TAS2R1: variants seen among roughly 807,000 people sequenced by gnomAD.
TAS2R1 encodes taste receptor type 2 member 1.
For missense variants in TAS2R1, 370 were observed against 353.4 expected, an observed-to-expected ratio of 1.05 and a Z score of -0.38; for synonymous variants, 141 against 134.2, an observed-to-expected ratio of 1.05 and a Z score of -0.35.
the TAS2R1 span, among the ~76,000 whole-genome samples, chr5:9,877,824 C>A: frequency 6.6e-6 from 1 of 152,172 alleles, no homozygotes; most frequent in Non-Finnish European, 1.5e-5. Context: ...GTTGTTCTTT[C>A]TTCTTCCTCT....
intron 1 of TAS2R1, among the ~76,000 whole-genome samples, chr5:9,679,149 TAAAAGAC>T (rs1740945673): frequency 6.6e-6 from 1 of 152,092 alleles, no homozygotes; most frequent in African/African-American, 2.4e-5. Context: ...CGACATTCTA[TAAAAGAC>T]AAAAGTATAA....
At chr5:9,894,079 C>T in the TAS2R1 span, among the ~76,000 whole-genome samples, 1 of 152,110 alleles carries the variant, frequency 6.6e-6, no homozygotes, top group Non-Finnish European at 1.5e-5. Flanking sequence ...TCCCATGGGC[C>T]CCAATCCAAT....
At chr5:9,715,579 A>G (rs74916772), upstream of TAS2R1, among the ~76,000 whole-genome samples, 987 of 152,378 alleles carry the variant, frequency 6.5e-3, 5 homozygotes, top group African/African-American at 0.022. Context: ...CATAGGGGAC[A>G]GGACAGGTGG....
At chr5:9,838,064 G>A in the TAS2R1 span, among the ~76,000 whole-genome samples, 1 of 152,146 alleles carries the variant, frequency 6.6e-6, no homozygotes, top group Admixed American at 6.5e-5. Context: ...CAAGTCCATG[G>A]ATGAAATGCA....
the TAS2R1 span, among the ~76,000 whole-genome samples, chr5:9,848,559 A>G: frequency 6.6e-6 from 1 of 152,228 alleles, no homozygotes. Flanking sequence ...AATGTATTAC[A>G]TACATGAAAA....
the TAS2R1 span, among the ~76,000 whole-genome samples, chr5:9,813,605 T>G: frequency 6.6e-6 from 1 of 152,190 alleles, no homozygotes; most frequent in Non-Finnish European, 1.5e-5. Context: ...GTTTGTTTGT[T>G]CTAAGCCACA....
At chr5:9,877,466 C>T in the TAS2R1 span, among the ~76,000 whole-genome samples, 10 of 152,148 alleles carry the variant, frequency 6.6e-5, no homozygotes, top group East Asian at 1.3e-3. Context: ...CTCTTTCTCC[C>T]CTTCAATTCT....
At chr5:9,635,046 A>C (rs188146571), upstream of TAS2R1, among the ~76,000 whole-genome samples, 309 of 152,180 alleles carry the variant, frequency 2.0e-3, 2 homozygotes, top group African/African-American at 7.2e-3. Flanking sequence ...GAATGCTTTC[A>C]ACTTTTTCTC....
At chr5:9,809,533 G>C in the TAS2R1 span, among the ~76,000 whole-genome samples, 1 of 152,018 alleles carries the variant, frequency 6.6e-6, no homozygotes, top group South Asian at 2.1e-4. Context: ...GCCAGGAAGA[G>C]GGCCCTCACC....
At position 9,629,735 on chromosome 5, in the gene TAS2R1, C is replaced by T. The variant is rs1344317130; in HGVS notation, c.298G>A (p.Gly100Ser). The T allele has an allele frequency of 3.7e-6, 6 of 1,613,744 alleles. No individual in the cohort carries two copies. Among genetic ancestry groups the T allele is most frequent in the Admixed American group, 1.7e-5 (1 of 59,956 alleles). ...GCAACCTTGGCACAATAGAAAACGC[C>T]GAGCCATGTGGCAAGCCAAAGTTCC... ...ELELWLATWL[G>S]VFYCAKVASV... Residue 100 changes from glycine to serine, a missense_variant, in exon 1 of 1, where the codon GGC (glycine) becomes AGC (serine). Transcript: ENST00000382492.
At chr5:9,864,560 G>A in the TAS2R1 span, among the ~76,000 whole-genome samples, 2,074 of 151,808 alleles carry the variant, frequency 0.014, 54 homozygotes, top group African/African-American at 0.048. Context: ...TGGAACCGGG[G>A]AGATGGAGGT....
chr5:9,764,280 G>A, the TAS2R1 span, among the ~76,000 whole-genome samples: 10 of 152,160 alleles, frequency 6.6e-5, no homozygotes, highest in South Asian at 6.2e-4. Context: ...ACCACCCTAT[G>A]TAGCTTCGGA....
chr5:9,831,107 C>T, the TAS2R1 span, among the ~76,000 whole-genome samples: 1 of 152,158 alleles, frequency 6.6e-6, no homozygotes, highest in Non-Finnish European at 1.5e-5. Context: ...GGAAATCTCA[C>T]TAACAAGCAT....
chr5:9,650,607 T>C (rs1053563478), intron 2 of TAS2R1, among the ~76,000 whole-genome samples: 2 of 152,162 alleles, frequency 1.3e-5, no homozygotes, highest in East Asian at 1.9e-4. Flanking sequence ...CTAACATACT[T>C]AGAACATTCC....
chr5:9,723,685 A>G, the TAS2R1 span, among the ~76,000 whole-genome samples: 2 of 152,218 alleles, frequency 1.3e-5, no homozygotes, highest in African/African-American at 4.8e-5. Context: ...AGCTGGCCCC[A>G]CTGGCCATGC....
chr5:9,688,306 G>A (rs28737), intron 1 of TAS2R1, among the ~76,000 whole-genome samples: 58,758 of 151,708 alleles, frequency 0.39, 12,033 homozygotes, highest in Non-Finnish European at 0.46. Flanking sequence ...TATCCTCAGC[G>A]CTCCCCCCCT....
the TAS2R1 span, among the ~76,000 whole-genome samples, chr5:9,798,487 G>GA: frequency 9.2e-5 from 14 of 152,140 alleles, no homozygotes; most frequent in South Asian, 4.1e-4. Flanking sequence ...CATTTAATTA[G>GA]AAAAAATTAT....
rs961186519 is a variant in TAS2R1, at chr5:9,627,702, T to G, written c.*1431A>C. On this transcript the variant is annotated 3_prime_UTR_variant, in exon 1 of 1. Coordinates refer to ENST00000382492, the MANE Select transcript of TAS2R1 (RefSeq NM_019599.3). ...TACAACTGATCTTCCCACAGCTGGC[T>G]TCCTGAGTGCGTGATTAGCTACAAA... Among the ~76,000 whole-genome samples, 4 of 152,230 alleles carry G rather than the reference T, an allele frequency of 2.6e-5. No homozygotes were observed. Among genetic ancestry groups the G allele is most frequent in the African/African-American group, 9.6e-5 (4 of 41,454 alleles).
chr5:9,902,717 G>GT, the TAS2R1 span: 1 of 151,854 alleles, frequency 6.6e-6, no homozygotes, highest in South Asian at 2.1e-4. Context: ...AATCTGAACC[G>GT]TAATTGACAG....
Sources: gnomAD v4.1 joint callset for allele counts (sites outside exome capture counted in the v4.1 genomes callset) on GRCh38, gnomAD v4.1.1 for gene constraint, MANE v1.5 for transcripts, NCBI Gene and HGNC (gene_info 2026-07-23, HGNC 2026-07-21) for gene names.